DNAH11: variants seen among roughly 807,000 people sequenced by gnomAD.
The protein encoded by DNAH11 is axonemal beta dynein heavy chain 11.
A neutral mutation model predicts 526.0 loss-of-function variants in DNAH11; 442 were observed. The observed-to-expected ratio is 0.84, with a 90% CI of 0.78 to 0.91. The LOEUF is 0.91. Ranked by LOEUF, DNAH11 falls within the 40% of genes least tolerant of loss-of-function variation. The pLI is 0.00. For synonymous variants in DNAH11, 2,461 were observed against 1,935.9 expected (o/e 1.27, Z -7.12); for missense variants, 6,989 against 5,448.7 (o/e 1.28, Z -8.90).
intron 2 of DNAH11, among the ~76,000 whole-genome samples, chr7:21,549,975 C>G (rs1341115399): frequency 3.3e-5 from 5 of 152,136 alleles, no homozygotes; most frequent in African/African-American, 9.7e-5. Context: ...AGGGGGGAGT[C>G]CCCTGCCCGT....
chr7:21,882,323 A>G (rs1447586541), intron 75 of DNAH11, among the ~76,000 whole-genome samples: 1 of 152,176 alleles, frequency 6.6e-6, no homozygotes, highest in Non-Finnish European at 1.5e-5. Flanking sequence ...CACAGCCTTA[A>G]GTTTTTAACA....
At chr7:21,758,791 T>A (rs551475797) in intron 54 of DNAH11, among the ~76,000 whole-genome samples, 1 of 152,362 alleles carries the variant, frequency 6.6e-6, no homozygotes, top group East Asian at 1.9e-4. Context: ...CCTTTGCATT[T>A]TGGAAAGCAT....
intron 76 of DNAH11, among the ~76,000 whole-genome samples, 184 bp from the exon 77 acceptor site, chr7:21,892,241 C>T (rs901644112): frequency 4.6e-5 from 7 of 152,172 alleles, no homozygotes; most frequent in South Asian, 2.1e-4. Flanking sequence ...TGGGATCTTC[C>T]GCAGAGATCA....
chr7:21,788,580 C>G (rs1161291872), intron 60 of DNAH11, among the ~76,000 whole-genome samples: 2 of 151,992 alleles, frequency 1.3e-5, no homozygotes, highest in Non-Finnish European at 1.5e-5. Context: ...CTCTCCCCAC[C>G]AGCAGAAAAA....
intron 12 of DNAH11, among the ~76,000 whole-genome samples, chr7:21,589,796 A>G (rs1386821903): frequency 6.6e-6 from 1 of 152,146 alleles, no homozygotes; most frequent in Admixed American, 6.5e-5. Context: ...TTCATAACAT[A>G]CACCAGTGTT....
At chr7:21,765,794 A>G (rs1381278264) in intron 55 of DNAH11, among the ~76,000 whole-genome samples, 2 of 152,144 alleles carry the variant, frequency 1.3e-5, no homozygotes, top group East Asian at 1.9e-4. Context: ...TTTTTCCACC[A>G]TACATACTGA....
intron 6 of DNAH11, 145 bp downstream of exon 6, chr7:21,564,542 C>A: frequency 1.7e-6 from 1 of 584,134 alleles, no homozygotes; most frequent in Non-Finnish European, 2.9e-6. Flanking sequence ...TAACAAAGGC[C>A]AGGTAACCTT....
chr7:21,729,494 C>T (rs1175905761), intron 45 of DNAH11, among the ~76,000 whole-genome samples: 3 of 152,180 alleles, frequency 2.0e-5, no homozygotes, highest in Admixed American at 1.3e-4. Context: ...TTAACAGTTA[C>T]TTCTTCAGTA....
intron 46 of DNAH11, among the ~76,000 whole-genome samples, chr7:21,737,864 A>G (rs1293120761): frequency 6.6e-6 from 1 of 152,168 alleles, no homozygotes; most frequent in Non-Finnish European, 1.5e-5. Context: ...TTGGATGGTA[A>G]TGGCTAGTAA....
In DNAH11 at chr7:21,632,947, A is replaced by G. The variant is rs142298224; in HGVS notation, c.4501-2924A>G. On this transcript the variant is annotated intron_variant, in intron 25 of 81. Transcript: ENST00000409508. Reference sequence around the variant, plus strand: ...CCAAGATTGGGCAATTTGTAAAAGAAAGAGGTTTATTGGACATACAGTTCC... The same window carrying G: ...CCAAGATTGGGCAATTTGTAAAAGAGAGAGGTTTATTGGACATACAGTTCC... Among the ~76,000 whole-genome samples the G allele has an allele frequency of 3.1e-3, 469 of 152,340 alleles. 4 individuals carry two copies. The highest frequency in any genetic ancestry group is 2.2e-3 in the Non-Finnish European group (151 of 68,036).
intron 47 of DNAH11, among the ~76,000 whole-genome samples, 198 bp downstream of exon 47, chr7:21,739,064 A>G (rs942836924): frequency 6.6e-6 from 1 of 152,136 alleles, no homozygotes; most frequent in Non-Finnish European, 1.5e-5. Context: ...TATTAAGTGT[A>G]ATAGTTTCCC....
chr7:21,711,478 A>C (rs1187203762), intron 41 of DNAH11, among the ~76,000 whole-genome samples: 1 of 152,220 alleles, frequency 6.6e-6, no homozygotes, highest in Non-Finnish European at 1.5e-5. Context: ...CTTAGCAATA[A>C]AAATTACTAC....
chr7:21,776,749 T>C (rs1787685571), intron 56 of DNAH11, among the ~76,000 whole-genome samples: 1 of 152,218 alleles, frequency 6.6e-6, no homozygotes, highest in Non-Finnish European at 1.5e-5. Flanking sequence ...GTGATTCTTT[T>C]TGCTTTATTT....
At chr7:21,757,694 A>C (rs1442329720) in intron 54 of DNAH11, among the ~76,000 whole-genome samples, 1 of 152,204 alleles carries the variant, frequency 6.6e-6, no homozygotes, top group Non-Finnish European at 1.5e-5. Context: ...GTCTGGCGAC[A>C]GACAAGGTGG....
At chr7:21,770,696 G>A (rs1787401035) in intron 55 of DNAH11, among the ~76,000 whole-genome samples, 1 of 152,174 alleles carries the variant, frequency 6.6e-6, no homozygotes, top group African/African-American at 2.4e-5. Context: ...TATTGGGAAA[G>A]CAGTAAAAGA....
In DNAH11 at chr7:21,661,445, GT is replaced by G. The variant is rs1194548551; in HGVS notation, c.5328+2422del. Among the ~76,000 whole-genome samples the G allele has an allele frequency of 3.3e-5, 5 of 151,510 alleles. No homozygotes were observed. In the South Asian group the frequency reaches 8.3e-4, roughly 25 times the overall value. On this transcript the variant is annotated intron_variant, in intron 30 of 81. Coordinates refer to ENST00000409508, the MANE Select transcript of DNAH11 (RefSeq NM_001277115.2). The stretch of plus-strand genomic sequence containing the variant: ...CTGGGTATAGAATTCTAAGTTGATA[GT>G]TTTTTTTAATACCTGAAAAATATTT...
At chr7:21,835,996 A>G (rs1400462116) in intron 65 of DNAH11, among the ~76,000 whole-genome samples, 2 of 152,072 alleles carry the variant, frequency 1.3e-5, no homozygotes, top group Non-Finnish European at 2.9e-5. Flanking sequence ...AAGCAATTCC[A>G]TTTACAAAAG....
At chr7:21,847,760 G>C (rs906741682) in intron 66 of DNAH11, among the ~76,000 whole-genome samples, 2 of 152,068 alleles carry the variant, frequency 1.3e-5, no homozygotes, top group Admixed American at 6.6e-5. Context: ...ATGATATAAG[G>C]GTTTTGAATT....
chr7:21,738,994 A>T (rs566431810), intron 47 of DNAH11, 128 bp downstream of exon 47: 1 of 924,804 alleles, frequency 1.1e-6, no homozygotes, highest in Non-Finnish European at 1.5e-6. Flanking sequence ...TTCAAGTGCA[A>T]TTATCCCCAG....
Sources: allele counts gnomAD v4.1 joint callset (sites outside exome capture counted in the v4.1 genomes callset), GRCh38; gene constraint gnomAD v4.1.1; transcripts MANE v1.5; gene names NCBI Gene and HGNC (gene_info 2026-07-23, HGNC 2026-07-21).